The following ARHGAP42 variants were observed in gnomAD, a reference collection of about 807,000 sequenced individuals.
ARHGAP42 encodes the protein Rho GTPase activating protein 42, also known as rho GTPase-activating protein 42.
A neutral mutation model predicts 125.0 loss-of-function variants in ARHGAP42; 63 were observed. That is an observed-to-expected ratio of 0.50 (90% CI 0.41 to 0.62). The LOEUF (loss-of-function observed/expected upper bound fraction) is 0.62. Ranked by LOEUF, ARHGAP42 falls within the 20% of genes least tolerant of loss-of-function variation. ARHGAP42 has a pLI of 0.00. For synonymous variants in ARHGAP42, 339 were observed against 351.0 expected (o/e 0.97, Z 0.38); for missense variants, 766 against 1,024.2 (o/e 0.75, Z 3.44).
intron 4 of ARHGAP42, among the ~76,000 whole-genome samples, chr11:100,902,969 T>C (rs1009138904): frequency 6.6e-6 from 1 of 152,158 alleles, no homozygotes; most frequent in African/African-American, 2.4e-5. Context: ...GTGTTGGTTT[T>C]GGACAGCATG....
intron 12 of ARHGAP42, among the ~76,000 whole-genome samples, chr11:100,953,650 T>C (rs925860930): frequency 5.9e-5 from 9 of 152,170 alleles, no homozygotes; most frequent in African/African-American, 2.2e-4. Context: ...TAATAGTTAC[T>C]CTTAATTTAC....
At chr11:100,965,584 T>C in intron 16 of ARHGAP42, 87 bp from the exon 17 acceptor site, 1 of 1,060,062 alleles carries the variant, frequency 9.4e-7, no homozygotes. Context: ...GGGGTAGGAG[T>C]GGTAATTGTG....
rs1215178867 is a variant in ARHGAP42, at chr11:100,687,817, A to T, written c.139A>T (p.Ile47Phe). 79 of 1,549,894 alleles carry T rather than the reference A, an allele frequency of 5.1e-5. No individual in the cohort carries two copies. Among genetic ancestry groups the T allele is most frequent in the Non-Finnish European group, 6.3e-5 (72 of 1,145,956 alleles). ...KELIKDGSLL[I>F]GALRNLSMAV... The stretch of plus-strand genomic sequence containing the variant: ...GCTCATTAAGGACGGCTCTCTGCTC[A>T]TTGGGGCGTTGAGGAGTAAGTAGGG... The change falls in exon 1 of 24, where the codon ATT (isoleucine) becomes TTT (phenylalanine). Residue 47 changes from isoleucine (I) to phenylalanine (F), a missense_variant. Around this residue, in one of 3 missense-constraint regions of ARHGAP42, gnomAD observed 455 missense variants for 636.5 expected, o/e 0.71. Coordinates refer to ENST00000298815, the MANE Select transcript of ARHGAP42 (RefSeq NM_152432.4).
At chr11:100,881,281 C>T (rs540991465) in intron 4 of ARHGAP42, among the ~76,000 whole-genome samples, 11 of 152,234 alleles carry the variant, frequency 7.2e-5, no homozygotes, top group African/African-American at 2.4e-4. Flanking sequence ...GATCCAGTTT[C>T]ATTCTCTTAC....
chr11:100,728,250 CG>C (rs1861894765), intron 1 of ARHGAP42, among the ~76,000 whole-genome samples: 1 of 151,876 alleles, frequency 6.6e-6, no homozygotes, highest in Non-Finnish European at 1.5e-5. Flanking sequence ...AGTTGGCTAT[CG>C]AAAAGGCCAC....
At chr11:100,896,097 G>T (rs1866351759) in intron 4 of ARHGAP42, among the ~76,000 whole-genome samples, 2 of 152,116 alleles carry the variant, frequency 1.3e-5, no homozygotes, top group Admixed American at 1.3e-4. Flanking sequence ...GCGGTGTTTG[G>T]TTTTCTGTCC....
chr11:100,821,957 T>G (rs1337784114), intron 3 of ARHGAP42, among the ~76,000 whole-genome samples: 1 of 152,162 alleles, frequency 6.6e-6, no homozygotes, highest in African/African-American at 2.4e-5. Context: ...TTTCGATTTC[T>G]TCATCTAGGT....
chr11:100,943,334 A>C (rs1867930532), intron 9 of ARHGAP42, among the ~76,000 whole-genome samples: 1 of 151,952 alleles, frequency 6.6e-6, no homozygotes, highest in South Asian at 2.1e-4. Context: ...CACACATATG[A>C]TACTAATCTC....
At chr11:100,742,373 G>A (rs1163863078) in intron 1 of ARHGAP42, among the ~76,000 whole-genome samples, 1 of 152,042 alleles carries the variant, frequency 6.6e-6, no homozygotes, top group Non-Finnish European at 1.5e-5. Context: ...GATTTTCCTT[G>A]AGGAACACAG....
chr11:100,944,828 C>T lies in ARHGAP42; in HGVS notation c.1043+960C>T, dbSNP rs186509465. ...TTTTTGCTGGTGAAGGATCTTGCCT[C>T]GATGTTGGTAGCTGCTAACTGATCA... On this transcript the variant is annotated intron_variant, in intron 10 of 23. Coordinates refer to ENST00000298815, the MANE Select transcript of ARHGAP42 (RefSeq NM_152432.4). Among the ~76,000 whole-genome samples the T allele has an allele frequency of 5.7e-4, 87 of 151,864 alleles. 1 individual carries two copies. Among genetic ancestry groups the T allele is most frequent in the Non-Finnish European group, 1.1e-3 (75 of 67,924 alleles).
chr11:100,808,909 G>T (rs768037380), intron 3 of ARHGAP42, among the ~76,000 whole-genome samples: 1 of 152,104 alleles, frequency 6.6e-6, no homozygotes, highest in Non-Finnish European at 1.5e-5. Flanking sequence ...CTAACTCTTA[G>T]GGGTTCTTAT....
chr11:100,936,119 A>G (rs1867731960), intron 7 of ARHGAP42, 84 bp from the exon 8 acceptor site: 1 of 1,497,004 alleles, frequency 6.7e-7, no homozygotes, highest in Non-Finnish European at 9.0e-7. Context: ...AAAAATAAAT[A>G]AAAGCAAAAC....
chr11:100,953,683 TA>T (rs1309066459), intron 12 of ARHGAP42, among the ~76,000 whole-genome samples: 43 of 152,154 alleles, frequency 2.8e-4, no homozygotes, highest in African/African-American at 9.7e-4. Flanking sequence ...ATGGATGCCA[TA>T]AATGAGACTT....
intron 1 of ARHGAP42, among the ~76,000 whole-genome samples, chr11:100,712,612 A>T (rs900263237): frequency 6.6e-6 from 1 of 152,092 alleles, no homozygotes; most frequent in South Asian, 2.1e-4. Flanking sequence ...TTGTCCTTCT[A>T]TCTGAGCTTT....
chr11:100,898,017 C>T (rs1323528725), intron 4 of ARHGAP42, among the ~76,000 whole-genome samples: 1 of 152,112 alleles, frequency 6.6e-6, no homozygotes, highest in African/African-American at 2.4e-5. Context: ...TACATCCCAT[C>T]AATACCTAGT....
chr11:100,812,673 G>A (rs1177954238), intron 3 of ARHGAP42, among the ~76,000 whole-genome samples: 2 of 152,182 alleles, frequency 1.3e-5, no homozygotes, highest in Non-Finnish European at 2.9e-5. Flanking sequence ...TGCCCAGACA[G>A]CTTTACAGCA....
chr11:100,980,636 T>C (rs1394340619), intron 22 of ARHGAP42, among the ~76,000 whole-genome samples: 1 of 139,038 alleles, frequency 7.2e-6, no homozygotes, highest in Non-Finnish European at 1.5e-5. Flanking sequence ...AGTGGTGCGA[T>C]CTTGGCTCAC....
At chr11:100,981,179 A>G (rs1858536375) in intron 22 of ARHGAP42, among the ~76,000 whole-genome samples, 1 of 152,220 alleles carries the variant, frequency 6.6e-6, no homozygotes, top group Admixed American at 6.5e-5. Context: ...TCAGCTTGCC[A>G]CATTGTTGGG....
At chr11:100,962,313 G>T in intron 15 of ARHGAP42, 96 bp from the exon 16 acceptor site, 1 of 929,952 alleles carries the variant, frequency 1.1e-6, no homozygotes, top group Non-Finnish European at 1.6e-6. Flanking sequence ...TTTAATTGAT[G>T]AATAACAGTC....
Sources: gnomAD v4.1 joint callset for allele counts (sites outside exome capture counted in the v4.1 genomes callset) on GRCh38, gnomAD v4.1.1 for gene constraint, gnomAD v4.1.1 regional missense constraint, MANE v1.5 for transcripts, NCBI Gene and HGNC (gene_info 2026-07-23, HGNC 2026-07-21) for gene names.